The following DIP2C variants were observed in gnomAD, a reference collection of about 807,000 sequenced individuals.
DIP2C encodes the protein disco-interacting protein 2 homolog C.
DIP2C carries 33 observed loss-of-function variants against 192.4 expected under a neutral mutation model. That is an observed-to-expected ratio of 0.17 (90% CI 0.13 to 0.23). DIP2C has a LOEUF of 0.23. Ranked by LOEUF, DIP2C falls within the 10% of genes least tolerant of loss-of-function variation. The pLI, the probability that DIP2C is intolerant of heterozygous loss-of-function variation, is 1.00. For synonymous variants in DIP2C, 979 were observed against 864.1 expected (o/e 1.13, Z -2.33); for missense variants, 1,537 against 2,110.1 (o/e 0.73, Z 5.32).
intron 3 of DIP2C, among the ~76,000 whole-genome samples, chr10:453,739 A>G (rs1409281855): frequency 6.6e-6 from 1 of 152,258 alleles, no homozygotes; most frequent in African/African-American, 2.4e-5. Context: ...TAACAGGTAC[A>G]GCTGGACTCA....
chr10:519,554 G>A (rs1375242987), intron 1 of DIP2C, among the ~76,000 whole-genome samples: 1 of 152,184 alleles, frequency 6.6e-6, no homozygotes, highest in Non-Finnish European at 1.5e-5. Flanking sequence ...ACAGGCCTGG[G>A]TCCCCCCAGC....
At chr10:542,854 AG>A (rs1848079240) in intron 1 of DIP2C, among the ~76,000 whole-genome samples, 1 of 152,030 alleles carries the variant, frequency 6.6e-6, no homozygotes, top group African/African-American at 2.4e-5. Flanking sequence ...TCTATACCAC[AG>A]ATCATCAGAT....
chr10:439,246 C>T (rs769934296), intron 4 of DIP2C, among the ~76,000 whole-genome samples: 31 of 151,220 alleles, frequency 2.0e-4, no homozygotes, highest in Admixed American at 4.6e-4. Context: ...CTTGCTAGCA[C>T]GGCGTTCACT....
intron 1 of DIP2C, among the ~76,000 whole-genome samples, chr10:517,743 T>C (rs1299759268): frequency 6.6e-6 from 1 of 152,138 alleles, no homozygotes; most frequent in Admixed American, 6.5e-5. Context: ...CAAACACAAG[T>C]ATGTTACACT....
chr10:522,890 C>CCAA (rs761071399), intron 1 of DIP2C, among the ~76,000 whole-genome samples: 6 of 152,214 alleles, frequency 3.9e-5, no homozygotes, highest in Non-Finnish European at 8.8e-5. Flanking sequence ...CTCTGCATGA[C>CCAA]CAACACGCTC....
intron 1 of DIP2C, among the ~76,000 whole-genome samples, chr10:509,669 C>T (rs970476130): frequency 1.3e-5 from 2 of 152,130 alleles, no homozygotes; most frequent in Non-Finnish European, 2.9e-5. Flanking sequence ...AGAGAGGCAT[C>T]TAAGGGGGCT....
intron 26 of DIP2C, among the ~76,000 whole-genome samples, chr10:347,441 G>T (rs373860417): frequency 1.0e-4 from 11 of 107,240 alleles, no homozygotes; most frequent in South Asian, 3.3e-4. Flanking sequence ...AACGTCACAC[G>T]CACCCAGACA....
chr10:310,513 ATG>A (rs907095344), intron 31 of DIP2C, among the ~76,000 whole-genome samples: 1 of 152,214 alleles, frequency 6.6e-6, no homozygotes, highest in Non-Finnish European at 1.5e-5. Context: ...AGTGAAGCAG[ATG>A]TGTGATATGG....
intron 1 of DIP2C, among the ~76,000 whole-genome samples, chr10:561,341 C>G (rs1051630464): frequency 1.3e-5 from 2 of 152,144 alleles, no homozygotes; most frequent in Non-Finnish European, 2.9e-5. Flanking sequence ...GCCCACTGTA[C>G]GAGAAGTCTC....
At chr10:288,697 T>C (rs1369297590) in intron 32 of DIP2C, among the ~76,000 whole-genome samples, 1 of 152,160 alleles carries the variant, frequency 6.6e-6, no homozygotes, top group Non-Finnish European at 1.5e-5. Context: ...TGAGTCCACT[T>C]AGCATTTTCA....
At position 275,811 on chromosome 10, in the gene DIP2C, T is replaced by C. The variant is rs1954484610; in HGVS notation, c.*1514A>G. The C allele has an allele frequency of 6.6e-6, 1 of 152,174 alleles. No individual in the cohort carries two copies. Among genetic ancestry groups the C allele is most frequent in the Non-Finnish European group, 1.5e-5 (1 of 68,060 alleles). The allele number at this position is 152,174 out of a possible 1,614,324, so 9.4% of individuals were successfully genotyped here. On this transcript the variant is annotated 3_prime_UTR_variant, in exon 37 of 37. Coordinates refer to ENST00000280886, the MANE Select transcript of DIP2C (RefSeq NM_014974.3). ...GGCCAGGAGCTGCCAGGGCAGAAAC[T>C]GGGGCGCACTCGTCCACAGGCGGCA... is the stretch of plus-strand genomic sequence containing the variant.
rs116398781 is a variant in DIP2C at position 524,024 on chromosome 10, G to A, written c.86-37494C>T. Among the ~76,000 whole-genome samples, 478 of 152,280 alleles carry A rather than the reference G, an allele frequency of 3.1e-3. 1 individual carries two copies. Among genetic ancestry groups the A allele is most frequent in the African/African-American group, 0.011 (458 of 41,548 alleles). On this transcript the variant is annotated intron_variant, in intron 1 of 36. Coordinates refer to ENST00000280886, the MANE Select transcript of DIP2C (RefSeq NM_014974.3). ...CTGGGGCTTCCCATAAGCACTCCCAGGAGGCCGTGCAATGGCCCGAGGCTG... is the reference window on the plus strand; with the variant it reads ...CTGGGGCTTCCCATAAGCACTCCCAAGAGGCCGTGCAATGGCCCGAGGCTG...
chr10:532,558 TGA>T lies in DIP2C; in HGVS notation c.86-46030_86-46029del, dbSNP rs66881768. ...GAGTATGGGTGTGAGAGAGTATGGGTGAGAGAGAGAGTATGGGTGTGAGAGAG... is the reference window on the plus strand; with the variant it reads ...GAGTATGGGTGTGAGAGAGTATGGGTGAGAGAGAGTATGGGTGTGAGAGAG... On this transcript the variant is annotated intron_variant, in intron 1 of 36. Coordinates refer to ENST00000280886, the MANE Select transcript of DIP2C (RefSeq NM_014974.3). Among the ~76,000 whole-genome samples the T allele has an allele frequency of 2.8e-3, 308 of 109,468 alleles. 12 individuals carry two copies. Among genetic ancestry groups the T allele is most frequent in the African/African-American group, 8.8e-3 (227 of 25,902 alleles). 71.8% of individuals were successfully genotyped at this position (109,468 alleles called of 152,430 possible). A position where few individuals can be genotyped will look rare whatever the true frequency, so the allele number is the denominator to read the frequency against.
At chr10:468,761 G>T (rs1186771371) in intron 3 of DIP2C, among the ~76,000 whole-genome samples, 1 of 152,100 alleles carries the variant, frequency 6.6e-6, no homozygotes, top group South Asian at 2.1e-4. Flanking sequence ...GGCAACAAGA[G>T]TGAAACTCCA....
chr10:566,909 C>T (rs1215140053), intron 1 of DIP2C, among the ~76,000 whole-genome samples: 2 of 152,250 alleles, frequency 1.3e-5, no homozygotes, highest in African/African-American at 2.4e-5. Context: ...TGAGAGAAAT[C>T]CCATTCCATA....
intron 1 of DIP2C, among the ~76,000 whole-genome samples, chr10:635,854 C>G (rs1338387434): frequency 6.6e-5 from 10 of 152,110 alleles, no homozygotes; most frequent in Admixed American, 5.2e-4. Flanking sequence ...CTCACCGGCC[C>G]AGGGGAAGTT....
intron 1 of DIP2C, among the ~76,000 whole-genome samples, chr10:597,143 G>A (rs933116077): frequency 3.3e-5 from 5 of 152,186 alleles, no homozygotes; most frequent in Non-Finnish European, 5.9e-5. Context: ...GGAAGGCTGG[G>A]CTCGCTCCAC....
chr10:506,525 C>CG (rs1845604076), intron 1 of DIP2C, among the ~76,000 whole-genome samples: 1 of 152,142 alleles, frequency 6.6e-6, no homozygotes, highest in Non-Finnish European at 1.5e-5. Flanking sequence ...GAGCACAGTT[C>CG]ATCTCAAATG....
intron 1 of DIP2C, among the ~76,000 whole-genome samples, chr10:556,866 C>T (rs975706979): frequency 6.6e-6 from 1 of 152,204 alleles, no homozygotes; most frequent in Non-Finnish European, 1.5e-5. Context: ...GATCTGTGCA[C>T]CTGAGTCCTT....
Sources: gnomAD v4.1 joint callset for allele counts (sites outside exome capture counted in the v4.1 genomes callset) on GRCh38, gnomAD v4.1.1 for gene constraint, MANE v1.5 for transcripts, NCBI Gene and HGNC (gene_info 2026-07-23, HGNC 2026-07-21) for gene names.